The following CDH12 variants were observed in gnomAD, a reference collection of about 807,000 sequenced individuals.
CDH12 encodes cadherin 12, also known as cadherin-12.
Under a neutral mutation model 74.1 loss-of-function variants are expected in CDH12, and 41 were observed. That is an observed-to-expected ratio of 0.55 (90% confidence interval 0.43 to 0.72). The LOEUF (loss-of-function observed/expected upper bound fraction) is 0.72. Among genes scored for constraint, CDH12 ranks in the 30% least tolerant of loss-of-function variants. The probability of loss-of-function intolerance (pLI) is 0.00; values close to 1 mark genes in which losing one functional copy is unlikely to be tolerated. For missense variants in CDH12, 945 were observed against 977.2 expected, an observed-to-expected ratio of 0.97 and a Z score of 0.44; for synonymous variants, 399 against 355.0, an observed-to-expected ratio of 1.12 and a Z score of -1.39.
At position 21,880,501 on chromosome 5, in the gene CDH12, T is replaced by TCCTTCCTTCCTTCCTTCCTTCCTTCCTC. The variant is rs1468584598; in HGVS notation, c.527-25712_527-25711insGAGGAAGGAAGGAAGGAAGGAAGGAAGG. Among the ~76,000 whole-genome samples, 26 of 25,460 alleles carry TCCTTCCTTCCTTCCTTCCTTCCTTCCTC rather than the reference T, an allele frequency of 1.0e-3. 3 individuals carry two copies. Among genetic ancestry groups the TCCTTCCTTCCTTCCTTCCTTCCTTCCTC allele is most frequent in the African/African-American group, 2.2e-3 (26 of 12,020 alleles). The allele number at this position is 25,460 out of a possible 152,430, so 16.7% of individuals were successfully genotyped here. A position where few individuals can be genotyped will look rare whatever the true frequency, so the allele number is the denominator to read the frequency against. On this transcript the variant is annotated intron_variant, in intron 6 of 14. Transcript: ENST00000382254. The stretch of plus-strand genomic sequence containing the variant: ...TTCCTTCCTTCCTTCCTTCCTTCCT[T>TCCTTCCTTCCTTCCTTCCTTCCTTCCTC]CCTCCCTCCCTCCCTCTTTTCTTTC...
At chr5:22,548,138 C>A (rs1336253160) in intron 1 of CDH12, among the ~76,000 whole-genome samples, 4 of 152,114 alleles carry the variant, frequency 2.6e-5, no homozygotes, top group Non-Finnish European at 5.9e-5. Context: ...TGCCTTTTAA[C>A]CTGTCAATAT....
intron 3 of CDH12, among the ~76,000 whole-genome samples, chr5:22,332,718 C>T (rs184305523): frequency 1.3e-5 from 2 of 152,174 alleles, no homozygotes; most frequent in Non-Finnish European, 2.9e-5. Context: ...TGAAAAAAAG[C>T]TCAACATCAA....
chr5:22,283,393 A>G (rs898731180), intron 3 of CDH12, among the ~76,000 whole-genome samples: 11 of 151,076 alleles, frequency 7.3e-5, no homozygotes, highest in African/African-American at 2.7e-4. Context: ...AATATTATAT[A>G]TGTGATATAT....
chr5:22,185,993 G>A (rs1373240219), intron 4 of CDH12, among the ~76,000 whole-genome samples: 16 of 152,168 alleles, frequency 1.1e-4, no homozygotes, highest in African/African-American at 3.1e-4. Flanking sequence ...ACATTCTGAA[G>A]AGAAATACTT....
At chr5:21,944,900 T>C (rs183532488) in intron 6 of CDH12, among the ~76,000 whole-genome samples, 193 of 152,270 alleles carry the variant, frequency 1.3e-3, no homozygotes, top group Non-Finnish European at 2.3e-3. Flanking sequence ...GTTAGTACTC[T>C]ACTTTTGATA....
intron 5 of CDH12, among the ~76,000 whole-genome samples, chr5:22,063,110 T>C (rs1741306587): frequency 6.6e-6 from 1 of 152,170 alleles, no homozygotes; most frequent in South Asian, 2.1e-4. Context: ...AAATTAAGTA[T>C]GAATTGAGAA....
intron 5 of CDH12, among the ~76,000 whole-genome samples, chr5:22,015,864 T>G (rs147582641): frequency 1.5e-3 from 234 of 152,256 alleles, no homozygotes; most frequent in African/African-American, 5.5e-3. Context: ...AAACAAACTA[T>G]TAAAAGGACA....
At position 21,831,819 on chromosome 5, in the gene CDH12, T is replaced by A. The variant is rs71601514; in HGVS notation, c.814+10342A>T. Among the ~76,000 whole-genome samples, 205 of 152,182 alleles carry A rather than the reference T, an allele frequency of 1.3e-3. 1 individual carries two copies. Among genetic ancestry groups the A allele is most frequent in the Non-Finnish European group, 2.1e-3 (141 of 67,990 alleles). ...TTTTATGTTTTAATTTGTTTGCCTG[T>A]TTAGGAACTTACAGGTTTTATTCTG... On this transcript the variant is annotated intron_variant, in intron 8 of 14. Transcript: ENST00000382254.
intron 8 of CDH12, among the ~76,000 whole-genome samples, chr5:21,820,883 TG>T (rs1314763255): frequency 1.3e-5 from 2 of 151,982 alleles, no homozygotes; most frequent in Non-Finnish European, 2.9e-5. Flanking sequence ...AACATCTTAA[TG>T]GCACTACCTG....
In CDH12 at chr5:22,758,411, G is replaced by A. The variant is rs183852784; in HGVS notation, c.-523+94647C>T. Among the ~76,000 whole-genome samples, 353 of 152,174 alleles carry A rather than the reference G, an allele frequency of 2.3e-3. 3 individuals are homozygous for A. Among genetic ancestry groups the A allele is most frequent in the African/African-American group, 8.2e-3 (340 of 41,518 alleles). On this transcript the variant is annotated intron_variant, in intron 1 of 14. Coordinates refer to ENST00000382254, the MANE Select transcript of CDH12 (RefSeq NM_004061.5). Reference sequence around the variant, plus strand: ...GCAGCAGCAGTGGGCATGTGTCCTCGCTTGCCACCCCACAAAAAAGCAAAC... The same window carrying A: ...GCAGCAGCAGTGGGCATGTGTCCTCACTTGCCACCCCACAAAAAAGCAAAC...
At chr5:22,446,459 A>G (rs1580658087) in intron 2 of CDH12, among the ~76,000 whole-genome samples, 2 of 152,104 alleles carry the variant, frequency 1.3e-5, no homozygotes, top group East Asian at 3.9e-4. Context: ...ACAAAATGAG[A>G]CTGAAAATCT....
intron 1 of CDH12, among the ~76,000 whole-genome samples, chr5:22,780,458 A>T (rs1747331031): frequency 6.6e-6 from 1 of 152,212 alleles, no homozygotes; most frequent in South Asian, 2.1e-4. Context: ...CAGGAAACTT[A>T]CAATCATGGT....
intron 6 of CDH12, among the ~76,000 whole-genome samples, chr5:21,879,198 AC>A (rs1352313480): frequency 9.9e-5 from 15 of 152,204 alleles, no homozygotes; most frequent in South Asian, 2.1e-4. Context: ...TATAAAAAAA[AC>A]TTTAAAAGTT....
chr5:22,505,385 A>G, intron 1 of CDH12, 21 bp from the exon 2 acceptor site: 2 of 773,100 alleles, frequency 2.6e-6, no homozygotes, highest in Non-Finnish European at 1.6e-6. Flanking sequence ...AAACATATAC[A>G]GTCAGAATGT....
chr5:21,803,314 T>C (rs1383924801), intron 9 of CDH12, among the ~76,000 whole-genome samples: 1 of 152,108 alleles, frequency 6.6e-6, no homozygotes, highest in African/African-American at 2.4e-5. Flanking sequence ...AAAGCATACA[T>C]AGTACTAATT....
chr5:22,770,163 C>T (rs938407405), intron 1 of CDH12, among the ~76,000 whole-genome samples: 1 of 150,902 alleles, frequency 6.6e-6, no homozygotes, highest in African/African-American at 2.4e-5. Context: ...TGTCCAAAAA[C>T]TAATTCCAAA....
chr5:22,605,443 C>T (rs868261213), intron 1 of CDH12, among the ~76,000 whole-genome samples: 14 of 152,320 alleles, frequency 9.2e-5, no homozygotes, highest in South Asian at 6.2e-4. Context: ...TGTTCTCAGA[C>T]GATAGCACAA....
At chr5:22,779,337 T>C (rs1747272318) in intron 1 of CDH12, among the ~76,000 whole-genome samples, 1 of 137,176 alleles carries the variant, frequency 7.3e-6, no homozygotes, top group African/African-American at 2.5e-5. Context: ...ACAAAGGACA[T>C]TTTTTATGTT....
At chr5:21,935,928 T>C in intron 6 of CDH12, among the ~76,000 whole-genome samples, 1 of 147,546 alleles carries the variant, frequency 6.8e-6, no homozygotes, top group Admixed American at 6.7e-5. Context: ...CAGGAACTCA[T>C]TTTTTTTTAT....
Sources: gnomAD v4.1 joint callset for allele counts (sites outside exome capture counted in the v4.1 genomes callset) on GRCh38, gnomAD v4.1.1 for gene constraint, MANE v1.5 for transcripts, NCBI Gene and HGNC (gene_info 2026-07-23, HGNC 2026-07-21) for gene names.